RORA: variants seen among roughly 807,000 people sequenced by gnomAD.
RORA encodes nuclear receptor ROR-alpha.
A neutral mutation model predicts 69.5 loss-of-function variants in RORA; 7 were observed. The ratio of observed to expected loss-of-function variants is 0.10; its 90% CI spans 0.06 to 0.19. The LOEUF is 0.19. RORA is among the 10% of genes least tolerant of loss of function. RORA has a pLI of 1.00. For missense variants in RORA, 457 were observed against 663.0 expected, an observed-to-expected ratio of 0.69 and a Z score of 3.41; for synonymous variants, 261 against 240.8, an observed-to-expected ratio of 1.08 and a Z score of -0.78.
At chr15:61,202,462 A>T (rs1013776365) in intron 1 of RORA, among the ~76,000 whole-genome samples, 1 of 152,208 alleles carries the variant, frequency 6.6e-6, no homozygotes, top group African/African-American at 2.4e-5. Context: ...TGGAACACAG[A>T]GGCTAGAATC....
chr15:61,112,360 C>T (rs911845386), intron 1 of RORA, among the ~76,000 whole-genome samples: 8 of 152,126 alleles, frequency 5.3e-5, no homozygotes, highest in Non-Finnish European at 8.8e-5. Context: ...GAAAGTAGCA[C>T]AGTGCCAGGA....
At chr15:60,919,026 T>A (rs1891959509) in intron 1 of RORA, among the ~76,000 whole-genome samples, 1 of 152,188 alleles carries the variant, frequency 6.6e-6, no homozygotes, top group South Asian at 2.1e-4. Context: ...AGGTTCCATC[T>A]ACTTATGATG....
chr15:60,988,150 G>T (rs1168486756), intron 1 of RORA, among the ~76,000 whole-genome samples: 1 of 152,218 alleles, frequency 6.6e-6, no homozygotes, highest in Non-Finnish European at 1.5e-5. Context: ...ATTGCACAGG[G>T]CAACTAAGTG....
intron 1 of RORA, among the ~76,000 whole-genome samples, chr15:60,693,125 G>A (rs976654053): frequency 1.3e-5 from 2 of 152,148 alleles, no homozygotes; most frequent in Non-Finnish European, 2.9e-5. Context: ...CTTCATCCCC[G>A]GGATGCAAGG....
intron 1 of RORA, among the ~76,000 whole-genome samples, chr15:60,885,834 G>A (rs2073744547): frequency 2.0e-5 from 3 of 152,180 alleles, no homozygotes; most frequent in Non-Finnish European, 4.4e-5. Context: ...TAACAACATC[G>A]CCTTGATGGA....
chr15:60,611,181 G>C (rs771629501), intron 2 of RORA, among the ~76,000 whole-genome samples: 5 of 152,098 alleles, frequency 3.3e-5, no homozygotes, highest in Non-Finnish European at 7.4e-5. Context: ...TTATTACATA[G>C]ACAGTGGGGA....
intron 1 of RORA, among the ~76,000 whole-genome samples, chr15:60,759,043 A>G (rs1249817931): frequency 2.6e-5 from 4 of 152,220 alleles, no homozygotes; most frequent in African/African-American, 9.6e-5. Flanking sequence ...TCTCCTTGCT[A>G]CACCTTGATT....
intron 1 of RORA, among the ~76,000 whole-genome samples, chr15:60,922,873 C>A (rs984186253): frequency 3.3e-5 from 5 of 152,218 alleles, no homozygotes; most frequent in African/African-American, 1.2e-4. Flanking sequence ...CCCTTTAACA[C>A]AAGACTGTGA....
At chr15:61,221,232 C>T (rs999471424) in intron 1 of RORA, among the ~76,000 whole-genome samples, 4 of 152,196 alleles carry the variant, frequency 2.6e-5, no homozygotes, top group Non-Finnish European at 5.9e-5. Flanking sequence ...AGGATTTCTT[C>T]CGTACAACCT....
intron 1 of RORA, among the ~76,000 whole-genome samples, chr15:60,999,781 C>T (rs1158000434): frequency 6.6e-6 from 1 of 152,082 alleles, no homozygotes; most frequent in African/African-American, 2.4e-5. Context: ...CTTCATCCCC[C>T]CTCCCACCAG....
rs894997493 is a variant in RORA at position 60,491,962 on chromosome 15, T to G, written c.*5493A>C. 6.6e-6 allele frequency: 1 copy of G among 152,060 alleles called. No individual in the cohort carries two copies. The highest frequency in any genetic ancestry group is 1.5e-5 in the Non-Finnish European group (1 of 68,022). 9.4% of individuals were successfully genotyped at this position (152,060 alleles called of 1,614,324 possible). A position where few individuals can be genotyped will look rare whatever the true frequency, so the allele number is the denominator to read the frequency against. ...TATTTGATCTATAATATAAAGTTGT[T>G]TTCATGGGGTTCTATATCATAACTT... On this transcript the variant is annotated 3_prime_UTR_variant, in exon 11 of 11. Coordinates refer to ENST00000335670, the MANE Select transcript of RORA (RefSeq NM_134261.3).
At chr15:61,122,048 TA>T (rs1163126045) in intron 1 of RORA, among the ~76,000 whole-genome samples, 2 of 152,176 alleles carry the variant, frequency 1.3e-5, no homozygotes, top group Non-Finnish European at 2.9e-5. Context: ...GAACTGTATG[TA>T]AGAGGAAAAA....
intron 1 of RORA, among the ~76,000 whole-genome samples, chr15:61,041,290 C>T (rs1351402790): frequency 3.9e-5 from 6 of 152,176 alleles, no homozygotes; most frequent in South Asian, 2.1e-4. Context: ...ATGCCAGTGA[C>T]GTCACAGAAA....
chr15:60,532,442 T>A (rs1349829436), intron 2 of RORA, among the ~76,000 whole-genome samples: 2 of 152,200 alleles, frequency 1.3e-5, no homozygotes, highest in African/African-American at 4.8e-5. Context: ...CTTGTTTGAA[T>A]TTAATAATGA....
At chr15:60,811,733 T>A (rs962483891) in intron 1 of RORA, among the ~76,000 whole-genome samples, 1 of 152,218 alleles carries the variant, frequency 6.6e-6, no homozygotes, top group Non-Finnish European at 1.5e-5. Flanking sequence ...CATTTCTGAC[T>A]AGTCCATCTC....
Position 61,061,992 on chromosome 15 carries a change from G to C in RORA, c.166+167061C>G, listed in dbSNP as rs1462854133. Among the ~76,000 whole-genome samples, 1 of 152,224 alleles carries C rather than the reference G, an allele frequency of 6.6e-6. No homozygotes were observed. Among genetic ancestry groups the C allele is most frequent in the Non-Finnish European group, 1.5e-5 (1 of 68,042 alleles). The stretch of plus-strand genomic sequence containing the variant: ...GCAGGAGAATCCCTTGAACCTAGGA[G>C]ACGGAGGTTGCAGTGAGCTGGGATT... On this transcript the variant is annotated intron_variant, in intron 1 of 10. Coordinates refer to ENST00000335670, the MANE Select transcript of RORA (RefSeq NM_134261.3). The surrounding 1 kb of genome is among the most constrained non-coding windows in gnomAD (Gnocchi z 4.4).
intron 1 of RORA, among the ~76,000 whole-genome samples, chr15:60,702,899 A>T (rs185517391): frequency 6.6e-6 from 1 of 152,300 alleles, no homozygotes; most frequent in Admixed American, 6.5e-5. Context: ...TTCATTCAAA[A>T]TATCTGTGGC....
chr15:60,511,154 A>G lies in RORA; in HGVS notation c.820+72T>C. 6.8e-7 allele frequency: 1 copy of G among 1,480,516 alleles called. No homozygotes were observed. Among genetic ancestry groups the G allele is most frequent in the Non-Finnish European group, 9.1e-7 (1 of 1,093,492 alleles). 91.7% of individuals were successfully genotyped at this position (1,480,516 alleles called of 1,614,324 possible). On this transcript the variant is annotated intron_variant, in intron 5 of 10. Coordinates refer to ENST00000335670, the MANE Select transcript of RORA (RefSeq NM_134261.3). The surrounding 1 kb of genome is among the most constrained non-coding windows in gnomAD (Gnocchi z 6.4). ...ATCATTTAGCAGAACTCATTAGAGG[A>G]AAGTCAGACATACCCCTTTTACTTC...
intron 1 of RORA, among the ~76,000 whole-genome samples, chr15:60,786,247 C>G (rs1477347711): frequency 2.0e-5 from 3 of 152,176 alleles, no homozygotes; most frequent in Admixed American, 2.0e-4. Flanking sequence ...TACATCTGTC[C>G]CTCCATTTCC....
Sources: allele counts gnomAD v4.1 joint callset (sites outside exome capture counted in the v4.1 genomes callset), GRCh38; gene constraint gnomAD v4.1.1; non-coding constraint Gnocchi (gnomAD v3.1); transcripts MANE v1.5; gene names NCBI Gene and HGNC (gene_info 2026-07-23, HGNC 2026-07-21).